HNRNPLL: variants seen among roughly 807,000 people sequenced by gnomAD.
HNRNPLL encodes the protein heterogeneous nuclear ribonucleoprotein L-like.
A neutral mutation model predicts 67.1 loss-of-function variants in HNRNPLL; 25 were observed. That is an observed-to-expected ratio of 0.37 (90% CI 0.27 to 0.52). The LOEUF is 0.52. HNRNPLL is among the 20% of genes least tolerant of loss of function. The pLI is 0.90. For missense variants in HNRNPLL, 542 were observed against 673.9 expected, an observed-to-expected ratio of 0.80 and a Z score of 2.17; for synonymous variants, 267 against 241.7, an observed-to-expected ratio of 1.10 and a Z score of -0.97.
chr2:38,584,755 A>G (rs767965536), intron 3 of HNRNPLL, among the ~76,000 whole-genome samples: 44 of 152,162 alleles, frequency 2.9e-4, no homozygotes, highest in Non-Finnish European at 4.9e-4. Context: ...GTCATCTAAG[A>G]ATCTAAATAC....
chr2:38,591,460 G>T, intron 2 of HNRNPLL, 70 bp downstream of exon 2: 3 of 846,982 alleles, frequency 3.5e-6, no homozygotes, highest in Non-Finnish European at 6.2e-6. Flanking sequence ...AAACATCAAG[G>T]CTTGTAACAA....
At chr2:38,589,435 T>A (rs1159021203) in intron 2 of HNRNPLL, among the ~76,000 whole-genome samples, 3 of 152,224 alleles carry the variant, frequency 2.0e-5, no homozygotes, top group African/African-American at 4.8e-5. Context: ...TCTTTCAGCC[T>A]TAATAGCAGC....
intron 10 of HNRNPLL, among the ~76,000 whole-genome samples, chr2:38,568,855 C>T (rs931977762): frequency 2.6e-5 from 4 of 151,928 alleles, no homozygotes; most frequent in Non-Finnish European, 4.4e-5. Flanking sequence ...TTTAAAGACA[C>T]GATATGTCTT....
chr2:38,596,515 C>T lies in HNRNPLL; in HGVS notation c.190-4867G>A, dbSNP rs909126977. Among the ~76,000 whole-genome samples the T allele has an allele frequency of 2.0e-5, 3 of 152,164 alleles. No individual in the cohort carries two copies. The East Asian group carries it at 5.8e-4, about 29-fold the overall frequency. On this transcript the variant is annotated intron_variant, in intron 1 of 12. Coordinates refer to ENST00000449105, the MANE Select transcript of HNRNPLL (RefSeq NM_138394.4). ...TCAAGTGATCCACCTGCCTCAGCCT[C>T]CCGAAGTGTTGGGATTACAGCTGTG...
intron 1 of HNRNPLL, among the ~76,000 whole-genome samples, chr2:38,595,591 T>C (rs1394448498): frequency 6.6e-6 from 1 of 152,202 alleles, no homozygotes; most frequent in African/African-American, 2.4e-5. Flanking sequence ...ACGCCTGTAA[T>C]GCCAGCCCTT....
At chr2:38,594,266 A>G (rs1321953021) in intron 1 of HNRNPLL, among the ~76,000 whole-genome samples, 1 of 152,240 alleles carries the variant, frequency 6.6e-6, no homozygotes, top group Non-Finnish European at 1.5e-5. Flanking sequence ...TATCAAACAC[A>G]TATTAGGGAC....
At chr2:38,590,974 C>G (rs1216437677) in intron 2 of HNRNPLL, among the ~76,000 whole-genome samples, 1 of 152,172 alleles carries the variant, frequency 6.6e-6, no homozygotes, top group Non-Finnish European at 1.5e-5. Flanking sequence ...CACTACACTC[C>G]AGCTTGGGCA....
intron 1 of HNRNPLL, among the ~76,000 whole-genome samples, chr2:38,596,466 C>T (rs1177110474): frequency 1.3e-5 from 2 of 152,086 alleles, no homozygotes; most frequent in Non-Finnish European, 2.9e-5. Flanking sequence ...CCATTTTTGC[C>T]AGGCTGGTCT....
At chr2:38,566,134 G>A (rs1251940125) in intron 12 of HNRNPLL, 3 of 966,774 alleles carry the variant, frequency 3.1e-6, no homozygotes, top group East Asian at 1.1e-4. Context: ...TTCGGAAGGC[G>A]GAGGTGGGCA....
intron 1 of HNRNPLL, among the ~76,000 whole-genome samples, chr2:38,597,398 C>G (rs1667239314): frequency 6.6e-6 from 1 of 152,206 alleles, no homozygotes; most frequent in Non-Finnish European, 1.5e-5. Context: ...AGAATAAGTA[C>G]AGTATTTCCA....
rs747201575 is a variant in HNRNPLL at position 38,585,677 on chromosome 2, G to A, written c.513C>T (p.Leu171=). 5.0e-6 allele frequency: 8 copies of A among 1,608,626 alleles called. No homozygotes were observed. The highest frequency in any genetic ancestry group is 6.8e-6 in the Non-Finnish European group (8 of 1,175,104). The change falls in exon 3 of 13, where the codon CTC becomes CTT. Residue 171 remains leucine, a synonymous_variant. Transcript: ENST00000449105. ...TTGGATAAAGCGGATTCTGAATTGAGAGCAGAAGAACTTTGTTGCCTCCTG... is the reference window on the plus strand; with the variant it reads ...TTGGATAAAGCGGATTCTGAATTGAAAGCAGAAGAACTTTGTTGCCTCCTG... ...DPSGGNKVLL[L]SIQNPLYPIT... is the part of the protein sequence containing the mutation.
At chr2:38,600,534 C>A (rs1452464973) in intron 1 of HNRNPLL, among the ~76,000 whole-genome samples, 1 of 152,048 alleles carries the variant, frequency 6.6e-6, no homozygotes, top group Non-Finnish European at 1.5e-5. Context: ...AAGAGACTAG[C>A]TTTGGCAATA....
chr2:38,589,219 A>C (rs144268683), intron 2 of HNRNPLL, among the ~76,000 whole-genome samples: 1 of 152,310 alleles, frequency 6.6e-6, no homozygotes, highest in Admixed American at 6.5e-5. Flanking sequence ...ACCATTTTTA[A>C]TATCTTGTTA....
rs1006040605 is a variant in HNRNPLL, at chr2:38,591,701, C to A, written c.190-53G>T. The A allele has an allele frequency of 1.7e-6, 2 of 1,177,366 alleles. 1 individual carries two copies. Among genetic ancestry groups the A allele is most frequent in the South Asian group, 2.5e-5 (2 of 80,016 alleles). The allele number at this position is 1,177,366 out of a possible 1,614,324, so 72.9% of individuals were successfully genotyped here. ...AAAAAATTTTAAGTCTAAGGCCGAA[C>A]GCGGTGGCTCACGCCTGTAATCCCT... is the stretch of plus-strand genomic sequence containing the variant. On this transcript the variant is annotated intron_variant, in intron 1 of 12. Coordinates refer to ENST00000449105, the MANE Select transcript of HNRNPLL (RefSeq NM_138394.4).
chr2:38,568,541 C>A (rs1046508225), intron 10 of HNRNPLL, 98 bp from the exon 11 acceptor site: 2 of 723,044 alleles, frequency 2.8e-6, no homozygotes, highest in South Asian at 1.9e-5. Flanking sequence ...AGTTTTAATT[C>A]TCAAATGAAT....
intron 2 of HNRNPLL, among the ~76,000 whole-genome samples, chr2:38,587,046 C>CT (rs1380192949): frequency 6.6e-6 from 1 of 152,122 alleles, no homozygotes; most frequent in Non-Finnish European, 1.5e-5. Context: ...CTTAAAAATG[C>CT]TTTAAAATAC....
chr2:38,591,684 TTAAGTC>T, intron 1 of HNRNPLL, 36 bp from the exon 2 acceptor site: 3 of 1,469,256 alleles, frequency 2.0e-6, no homozygotes, highest in Non-Finnish European at 2.9e-6. Context: ...TAAAAAAATT[TTAAGTC>T]TAAGGCCGAA....
In HNRNPLL at chr2:38,569,750, G is replaced by C; in HGVS notation, c.1214+54C>G. On this transcript the variant is annotated intron_variant, in intron 9 of 12. Transcript: ENST00000449105. Reference sequence around the variant, plus strand: ...TTGACATTAATGTCTCTAATAAAAAGGACAAAGATTTTTAAATATTTTTTA... The same window carrying C: ...TTGACATTAATGTCTCTAATAAAAACGACAAAGATTTTTAAATATTTTTTA... 6.1e-6 allele frequency: 6 copies of C among 988,554 alleles called. No individual in the cohort carries two copies. The South Asian group carries it at 1.2e-4, about 19-fold the overall frequency. 61.2% of individuals were successfully genotyped at this position (988,554 alleles called of 1,614,324 possible). A position where few individuals can be genotyped will look rare whatever the true frequency, so the allele number is the denominator to read the frequency against.
Position 38,591,561 on chromosome 2 carries a change from C to A in HNRNPLL, c.277G>T (p.Val93Leu). ...GTCCCAAATTTTTCCAGCGCTTCCA[C>A]GAGGTCTGCTTCCACCACAGATTCA... is the stretch of plus-strand genomic sequence containing the variant. Reference protein sequence around the residue: ...LCESVVEADLVEALEKFGTIC... With the variant: ...LCESVVEADLLEALEKFGTIC... Residue 93 changes from valine (V) to leucine (L), a missense_variant, in exon 2 of 13, where the codon GTG becomes TTG. By Grantham distance (32) the Val-to-Leu change is conservative. Transcript: ENST00000449105. 6.2e-7 allele frequency: 1 copy of A among 1,613,164 alleles called. No individual in the cohort carries two copies. Among genetic ancestry groups the A allele is most frequent in the South Asian group, 1.1e-5 (1 of 91,064 alleles).
Sources: allele counts gnomAD v4.1 joint callset (sites outside exome capture counted in the v4.1 genomes callset), GRCh38; gene constraint gnomAD v4.1.1; transcripts MANE v1.5; gene names NCBI Gene and HGNC (gene_info 2026-07-23, HGNC 2026-07-21).